The following OTUD7A variants were observed in gnomAD, a reference collection of about 807,000 sequenced individuals.
OTUD7A encodes the protein OTU deubiquitinase 7A.
A neutral mutation model predicts 65.7 loss-of-function variants in OTUD7A; 12 were observed. The observed-to-expected ratio is 0.18, with a 90% CI of 0.12 to 0.30. OTUD7A has a LOEUF of 0.30. Ranked by LOEUF, OTUD7A falls within the 10% of genes least tolerant of loss-of-function variation. OTUD7A has a pLI of 1.00. For missense variants in OTUD7A, 1,148 were observed against 1,304.8 expected (o/e 0.88, Z 1.85); for synonymous variants, 641 against 586.3 (o/e 1.09, Z -1.35).
At chr15:31,614,305 G>GA (rs71110897) in intron 3 of OTUD7A, among the ~76,000 whole-genome samples, 11 of 149,658 alleles carry the variant, frequency 7.4e-5, no homozygotes, top group South Asian at 2.1e-4. Flanking sequence ...TGGAAAAATA[G>GA]AAAAAAAAAG....
intron 8 of OTUD7A, among the ~76,000 whole-genome samples, chr15:31,526,060 T>C (rs1373477862): frequency 6.6e-6 from 1 of 152,182 alleles, no homozygotes; most frequent in Non-Finnish European, 1.5e-5. Context: ...TTGTGCACAA[T>C]AAAGTTCAAG....
At chr15:31,526,274 CCCCCCATGCTGTGTGTAG>C in intron 8 of OTUD7A, 57 bp downstream of exon 8, 1 of 1,340,288 alleles carries the variant, frequency 7.5e-7, no homozygotes, top group Non-Finnish European at 1.0e-6. Context: ...CCCGTGCCAT[CCCCCCATGCTGTGTGTAG>C]CCCTGGGTGG....
At chr15:31,644,560 C>T (rs1463579404) in intron 3 of OTUD7A, among the ~76,000 whole-genome samples, 2 of 152,172 alleles carry the variant, frequency 1.3e-5, no homozygotes, top group Non-Finnish European at 2.9e-5. Context: ...ACCATAACCT[C>T]GAACTCTTGG....
intron 5 of OTUD7A, among the ~76,000 whole-genome samples, chr15:31,555,217 T>C (rs1420224551): frequency 2.0e-5 from 3 of 152,170 alleles, no homozygotes; most frequent in African/African-American, 7.2e-5. Flanking sequence ...ACCTGAGCCC[T>C]GGGTTCATGT....
At chr15:31,800,271 A>T (rs112091116) in intron 1 of OTUD7A, among the ~76,000 whole-genome samples, 88 of 152,246 alleles carry the variant, frequency 5.8e-4, no homozygotes, top group Middle Eastern at 3.4e-3. Flanking sequence ...GACGCGCAGC[A>T]TGTTTCTGCT....
chr15:31,864,826 T>G (rs139152728), intron 1 of OTUD7A, among the ~76,000 whole-genome samples: 1 of 152,088 alleles, frequency 6.6e-6, no homozygotes, highest in East Asian at 1.9e-4. Context: ...AGCAATGCCT[T>G]GGTTACAAGT....
At chr15:31,499,911 A>G (rs2041441876) in intron 10 of OTUD7A, among the ~76,000 whole-genome samples, 1 of 152,232 alleles carries the variant, frequency 6.6e-6, no homozygotes, top group Non-Finnish European at 1.5e-5. Flanking sequence ...CCCAAGCCAC[A>G]GCGCCCTCCA....
In OTUD7A at chr15:31,504,634, C is replaced by G. The variant is rs888835375; in HGVS notation, c.894-816G>C. Among the ~76,000 whole-genome samples the G allele has an allele frequency of 7.2e-5, 11 of 152,286 alleles. 1 individual carries two copies. The East Asian group carries it at 1.7e-3, about 24-fold the overall frequency. On this transcript the variant is annotated intron_variant, in intron 8 of 12. Transcript: ENST00000307050. ...TGAGATGACAGCACCAGCCAAGACTCCCCAGAGGTGGCTCTCAGACTTGTT... is the reference window on the plus strand; with the variant it reads ...TGAGATGACAGCACCAGCCAAGACTGCCCAGAGGTGGCTCTCAGACTTGTT...
At chr15:31,553,551 T>G (rs780844835) in intron 5 of OTUD7A, among the ~76,000 whole-genome samples, 3 of 152,092 alleles carry the variant, frequency 2.0e-5, no homozygotes, top group African/African-American at 7.2e-5. Flanking sequence ...AGTCTCGGGC[T>G]TTGCCTGACA....
chr15:31,870,103 C>G (rs968564751), intron 1 of OTUD7A, among the ~76,000 whole-genome samples: 10 of 150,090 alleles, frequency 6.7e-5, no homozygotes, highest in African/African-American at 2.4e-4. Flanking sequence ...CGCGGGACCC[C>G]CGACGCGCGC....
At chr15:31,644,902 C>T (rs1891617194) in intron 3 of OTUD7A, among the ~76,000 whole-genome samples, 1 of 152,212 alleles carries the variant, frequency 6.6e-6, no homozygotes, top group African/African-American at 2.4e-5. Flanking sequence ...GGCTCTGTAT[C>T]AGCCCCAGGC....
intron 1 of OTUD7A, among the ~76,000 whole-genome samples, chr15:31,852,643 G>C (rs547627909): frequency 3.9e-5 from 6 of 152,308 alleles, no homozygotes; most frequent in Admixed American, 6.5e-5. Context: ...CTTGTGCCAT[G>C]TGAGTGGCCA....
At chr15:31,551,557 G>A (rs1188853801) in intron 5 of OTUD7A, among the ~76,000 whole-genome samples, 5 of 152,186 alleles carry the variant, frequency 3.3e-5, no homozygotes, top group African/African-American at 1.2e-4. Context: ...TGATTCATCC[G>A]TGATAATGGG....
At chr15:31,867,616 G>A (rs774820235) in intron 1 of OTUD7A, among the ~76,000 whole-genome samples, 9 of 152,200 alleles carry the variant, frequency 5.9e-5, no homozygotes, top group Non-Finnish European at 8.8e-5. Context: ...GGATTTCCAC[G>A]GGGTTGCCCT....
At chr15:31,742,940 C>G (rs1158347822) in intron 1 of OTUD7A, among the ~76,000 whole-genome samples, 2 of 151,922 alleles carry the variant, frequency 1.3e-5, no homozygotes, top group Non-Finnish European at 2.9e-5. Context: ...AAATACACGA[C>G]TTCAAAATAT....
intron 1 of OTUD7A, among the ~76,000 whole-genome samples, chr15:31,712,874 T>G (rs1893483140): frequency 6.7e-6 from 1 of 149,838 alleles, no homozygotes; most frequent in Non-Finnish European, 1.5e-5. Flanking sequence ...TTCTCCTCCC[T>G]ACATCTGATT....
At chr15:31,584,512 C>G (rs1409352992) in intron 3 of OTUD7A, among the ~76,000 whole-genome samples, 1 of 152,226 alleles carries the variant, frequency 6.6e-6, no homozygotes, top group Non-Finnish European at 1.5e-5. Flanking sequence ...TGCTAATGAC[C>G]TTGCCTGAGC....
chr15:31,549,336 T>C (rs541242437), intron 5 of OTUD7A, among the ~76,000 whole-genome samples: 2 of 152,300 alleles, frequency 1.3e-5, no homozygotes, highest in Non-Finnish European at 2.9e-5. Flanking sequence ...ATTATCATAC[T>C]GCAAGTAATG....
intron 1 of OTUD7A, among the ~76,000 whole-genome samples, chr15:31,733,312 G>C (rs531153454): frequency 3.3e-5 from 5 of 152,080 alleles, no homozygotes; most frequent in Non-Finnish European, 7.4e-5. Flanking sequence ...GGCTCTTTCC[G>C]ACCCTCCACC....
Sources: allele counts gnomAD v4.1 joint callset (sites outside exome capture counted in the v4.1 genomes callset), GRCh38; gene constraint gnomAD v4.1.1; transcripts MANE v1.5; gene names NCBI Gene and HGNC (gene_info 2026-07-23, HGNC 2026-07-21).